Variants in PPP1R12B observed in about 807,000 individuals in gnomAD.
The protein encoded by PPP1R12B is myosin phosphatase target subunit 2.
Under a neutral mutation model 126.1 loss-of-function variants are expected in PPP1R12B, and 76 were observed. The ratio of observed to expected loss-of-function variants is 0.60; its 90% CI spans 0.50 to 0.73. The LOEUF (loss-of-function observed/expected upper bound fraction) is 0.73. PPP1R12B is among the 30% of genes least tolerant of loss of function. PPP1R12B has a pLI of 0.00. For missense variants in PPP1R12B, 1,052 were observed against 1,205.1 expected, an observed-to-expected ratio of 0.87 and a Z score of 1.88; for synonymous variants, 356 against 434.7, an observed-to-expected ratio of 0.82 and a Z score of 2.25.
chr1:202,552,464 A>G (rs1686425714), intron 18 of PPP1R12B, among the ~76,000 whole-genome samples: 1 of 152,214 alleles, frequency 6.6e-6, no homozygotes, highest in South Asian at 2.1e-4. Flanking sequence ...TTACAAAATT[A>G]TACTATTTTG....
chr1:202,361,634 T>G (rs2148410155), intron 1 of PPP1R12B, among the ~76,000 whole-genome samples: 1 of 152,304 alleles, frequency 6.6e-6, no homozygotes, highest in Middle Eastern at 3.4e-3. Context: ...TCATTCCCCT[T>G]ATTTTGAAAT....
At chr1:202,482,029 A>G (rs1170952741) in intron 13 of PPP1R12B, among the ~76,000 whole-genome samples, 1 of 151,166 alleles carries the variant, frequency 6.6e-6, no homozygotes, top group African/African-American at 2.4e-5. Flanking sequence ...ACTTAACCTG[A>G]TATCCTCCAG....
At chr1:202,410,532 G>A (rs1213585227) in intron 1 of PPP1R12B, among the ~76,000 whole-genome samples, 4 of 152,184 alleles carry the variant, frequency 2.6e-5, no homozygotes, top group African/African-American at 9.7e-5. Context: ...GGCTATTTTG[G>A]GAACCGAGGA....
intron 6 of PPP1R12B, 134 bp from the exon 7 acceptor site, chr1:202,430,597 T>C (rs1670066865): frequency 1.3e-6 from 1 of 798,996 alleles, no homozygotes; most frequent in South Asian, 2.3e-5. Flanking sequence ...TCTCTTTTTC[T>C]CGGGTTCCCC....
chr1:202,560,918 C>T (rs1047941728), intron 19 of PPP1R12B, among the ~76,000 whole-genome samples: 13 of 152,010 alleles, frequency 8.6e-5, no homozygotes, highest in East Asian at 1.9e-4. Flanking sequence ...AGCCCGATGA[C>T]GAGTTAGTGG....
chr1:202,575,611 A>G (rs917818605), intron 23 of PPP1R12B: 2 of 153,200 alleles, frequency 1.3e-5, no homozygotes, highest in African/African-American at 4.8e-5. Context: ...AACCAAGGGC[A>G]GGGGCTCTCA....
intron 1 of PPP1R12B, among the ~76,000 whole-genome samples, chr1:202,355,842 TA>T (rs2148385176): frequency 6.6e-6 from 1 of 152,300 alleles, no homozygotes; most frequent in Admixed American, 6.5e-5. Context: ...AGTCAACGAT[TA>T]GACTGAGGTA....
In PPP1R12B at chr1:202,579,686, C is replaced by T. The variant is rs116101478; in HGVS notation, c.2863-788C>T. Among the ~76,000 whole-genome samples the T allele has an allele frequency of 4.3e-3, 648 of 152,160 alleles. 2 individuals carry two copies. The highest frequency in any genetic ancestry group is 0.015 in the African/African-American group (618 of 41,488). ...AGCAGAACTAATAAAATTGAGTTTC[C>T]ACTCCCTCCCCTGCCCAACAAGCAT... On this transcript the variant is annotated intron_variant, in intron 23 of 23. Coordinates refer to ENST00000608999, the MANE Select transcript of PPP1R12B (RefSeq NM_002481.4).
intron 1 of PPP1R12B, among the ~76,000 whole-genome samples, chr1:202,407,569 T>A (rs1212685096): frequency 6.6e-6 from 1 of 152,134 alleles, no homozygotes; most frequent in Non-Finnish European, 1.5e-5. Flanking sequence ...GGGTTATGAG[T>A]CTTTCACACA....
rs994233583 is a variant in PPP1R12B at position 202,419,771 on chromosome 1, T to C, written c.423-2849T>C. 2.0e-5 allele frequency among the ~76,000 whole-genome samples: 3 copies of C among 152,190 alleles called. No individual in the cohort carries two copies. The highest frequency in any genetic ancestry group is 7.2e-5 in the African/African-American group (3 of 41,454). On this transcript the variant is annotated intron_variant, in intron 2 of 23. Coordinates refer to ENST00000608999, the MANE Select transcript of PPP1R12B (RefSeq NM_002481.4). This position sits in a 1 kb window ranked among gnomAD's most constrained non-coding sequence, Gnocchi z 4.6. ...ATGATAGTAATGAGGAAGACCCAGT[T>C]GTTGCTATTAACCAAAAACTATCTG...
intron 18 of PPP1R12B, among the ~76,000 whole-genome samples, chr1:202,528,355 A>G (rs1475016034): frequency 2.6e-5 from 4 of 152,198 alleles, no homozygotes; most frequent in African/African-American, 9.6e-5. Context: ...AAAGAGAACA[A>G]TTTGTGGTTG....
At chr1:202,406,410 T>TA (rs2148581371) in intron 1 of PPP1R12B, among the ~76,000 whole-genome samples, 1 of 152,350 alleles carries the variant, frequency 6.6e-6, no homozygotes, top group South Asian at 2.1e-4. Flanking sequence ...ATTCCTTATA[T>TA]AAAATTATTG....
intron 20 of PPP1R12B, among the ~76,000 whole-genome samples, chr1:202,563,953 C>T (rs1687798995): frequency 1.3e-5 from 2 of 152,036 alleles, no homozygotes; most frequent in Non-Finnish European, 2.9e-5. Flanking sequence ...CCTGTAGTCC[C>T]AGCTACTAAG....
intron 1 of PPP1R12B, among the ~76,000 whole-genome samples, chr1:202,411,166 A>C (rs1206759984): frequency 6.6e-6 from 1 of 152,026 alleles, no homozygotes; most frequent in East Asian, 1.9e-4. Context: ...AAGGGCATCT[A>C]AATTTAGTCG....
chr1:202,437,344 A>G (rs1348297383), intron 9 of PPP1R12B, among the ~76,000 whole-genome samples: 3 of 152,146 alleles, frequency 2.0e-5, no homozygotes, highest in Non-Finnish European at 4.4e-5. Context: ...AAAAATAAAA[A>G]TAAAAGATAA....
chr1:202,358,831 T>A (rs1657614145), intron 1 of PPP1R12B, among the ~76,000 whole-genome samples: 1 of 152,220 alleles, frequency 6.6e-6, no homozygotes, highest in East Asian at 1.9e-4. Flanking sequence ...TACTTAAATG[T>A]TATGACACAG....
intron 15 of PPP1R12B, among the ~76,000 whole-genome samples, chr1:202,494,063 C>T (rs887762226): frequency 6.6e-5 from 10 of 152,272 alleles, no homozygotes; most frequent in East Asian, 5.8e-4. Flanking sequence ...TATCATTACC[C>T]CTCCTTTGCA....
intron 13 of PPP1R12B, among the ~76,000 whole-genome samples, chr1:202,476,235 G>A (rs1401848047): frequency 6.7e-6 from 1 of 150,020 alleles, no homozygotes; most frequent in South Asian, 2.1e-4. Flanking sequence ...ATAGTTCAAT[G>A]AATAATAAAC....
intron 22 of PPP1R12B, among the ~76,000 whole-genome samples, chr1:202,568,173 C>T (rs1449424312): frequency 6.9e-6 from 1 of 144,166 alleles, no homozygotes; most frequent in Non-Finnish European, 1.5e-5. Flanking sequence ...ATTGCATACA[C>T]ACACACACAC....
Sources: gnomAD v4.1 joint callset for allele counts (sites outside exome capture counted in the v4.1 genomes callset) on GRCh38, gnomAD v4.1.1 for gene constraint, Gnocchi (gnomAD v3.1) non-coding constraint, MANE v1.5 for transcripts, NCBI Gene and HGNC (gene_info 2026-07-23, HGNC 2026-07-21) for gene names.